RNF217: variants seen among roughly 807,000 people sequenced by gnomAD.
The protein encoded by RNF217 is ring finger protein 217.
Under a neutral mutation model 57.8 loss-of-function variants are expected in RNF217, and 31 were observed. That is an observed-to-expected ratio of 0.54 (90% confidence interval 0.40 to 0.72). The LOEUF is 0.72. Among genes scored for constraint, RNF217 ranks in the 30% least tolerant of loss-of-function variants. RNF217 has a pLI of 0.00. For missense variants in RNF217, 696 were observed against 708.3 expected (o/e 0.98, Z 0.20); for synonymous variants, 313 against 294.0 (o/e 1.06, Z -0.66).
chr6:125,033,146 T>G (rs538634491), intron 1 of RNF217, among the ~76,000 whole-genome samples: 1 of 152,132 alleles, frequency 6.6e-6, no homozygotes, highest in Non-Finnish European at 1.5e-5. Context: ...AATTAATACA[T>G]TTCAGAGTTT....
At chr6:125,057,287 A>G (rs1315815971) in intron 2 of RNF217, among the ~76,000 whole-genome samples, 2 of 152,044 alleles carry the variant, frequency 1.3e-5, no homozygotes, top group African/African-American at 2.4e-5. Context: ...AGTGATTGTC[A>G]TGTCTCGTGT....
intron 2 of RNF217, among the ~76,000 whole-genome samples, chr6:125,050,324 C>T (rs949225618): frequency 6.6e-6 from 1 of 151,884 alleles, no homozygotes; most frequent in African/African-American, 2.4e-5. Context: ...CTTCTTCCCA[C>T]AAATGTTAAG....
chr6:125,030,056 C>T lies in RNF217; in HGVS notation c.883-15155C>T, dbSNP rs553275643. On this transcript the variant is annotated intron_variant, in intron 1 of 5. Transcript: ENST00000521654. Reference sequence around the variant, plus strand: ...GAGGTGAAAGGCATTTCTTACATGGCAGCAGCAAGAGAAAATGAAGAAGAA... The same window carrying T: ...GAGGTGAAAGGCATTTCTTACATGGTAGCAGCAAGAGAAAATGAAGAAGAA... Among the ~76,000 whole-genome samples, 514 of 152,220 alleles carry T rather than the reference C, an allele frequency of 3.4e-3. 2 individuals are homozygous for T. The highest frequency in any genetic ancestry group is 0.012 in the African/African-American group (486 of 41,528).
chr6:125,058,497 T>C (rs929959103), intron 3 of RNF217, among the ~76,000 whole-genome samples: 31 of 152,226 alleles, frequency 2.0e-4, no homozygotes, highest in Non-Finnish European at 3.5e-4. Context: ...TTGCGATCTT[T>C]TGCTTTTCTT....
intron 3 of RNF217, among the ~76,000 whole-genome samples, chr6:125,060,199 T>C (rs1355300047): frequency 6.6e-6 from 1 of 152,124 alleles, no homozygotes; most frequent in African/African-American, 2.4e-5. Context: ...CATTTATAAA[T>C]ATAAAATAGG....
intron 1 of RNF217, among the ~76,000 whole-genome samples, chr6:125,027,044 A>G (rs181796786): frequency 6.6e-6 from 1 of 152,162 alleles, no homozygotes; most frequent in Admixed American, 6.5e-5. Flanking sequence ...TAGTAGGTGT[A>G]TATATTTATG....
intron 1 of RNF217, among the ~76,000 whole-genome samples, chr6:125,039,505 A>T (rs1263023733): frequency 6.6e-6 from 1 of 152,134 alleles, no homozygotes; most frequent in Admixed American, 6.6e-5. Context: ...ATAATGGGAG[A>T]CTTTAACACC....
intron 2 of RNF217, among the ~76,000 whole-genome samples, chr6:125,055,088 G>T (rs568111146): frequency 8.5e-5 from 13 of 152,198 alleles, no homozygotes; most frequent in African/African-American, 2.2e-4. Flanking sequence ...AATGAATGAG[G>T]CATCTTCAGA....
intron 1 of RNF217, among the ~76,000 whole-genome samples, chr6:124,984,361 A>G (rs757012112): frequency 6.6e-6 from 1 of 152,062 alleles, no homozygotes; most frequent in Non-Finnish European, 1.5e-5. Context: ...AACCCGGGCA[A>G]CATAGAGAAA....
intron 2 of RNF217, among the ~76,000 whole-genome samples, chr6:125,050,232 T>G (rs1449334416): frequency 6.6e-6 from 1 of 151,924 alleles, no homozygotes; most frequent in Non-Finnish European, 1.5e-5. Flanking sequence ...GAGTTGAAGG[T>G]CATGCTTATC....
chr6:125,035,130 A>G (rs1582735299), intron 1 of RNF217, among the ~76,000 whole-genome samples: 3 of 152,312 alleles, frequency 2.0e-5, no homozygotes, highest in Admixed American at 6.5e-5. Context: ...ATATACAATG[A>G]TGTCATCTGC....
At chr6:125,070,510 GT>G (rs981020539) in intron 3 of RNF217, among the ~76,000 whole-genome samples, 11 of 152,126 alleles carry the variant, frequency 7.2e-5, no homozygotes, top group African/African-American at 2.7e-4. Context: ...AACATCTATT[GT>G]TTTTTGACTT....
chr6:125,038,096 C>T (rs1017452418), intron 1 of RNF217, among the ~76,000 whole-genome samples: 1 of 152,094 alleles, frequency 6.6e-6, no homozygotes, highest in Non-Finnish European at 1.5e-5. Context: ...GTAGCTTGAA[C>T]GTTAAGTGGA....
At chr6:124,973,780 C>T (rs551707357) in intron 1 of RNF217, among the ~76,000 whole-genome samples, 4 of 152,112 alleles carry the variant, frequency 2.6e-5, no homozygotes, top group Non-Finnish European at 5.9e-5. Flanking sequence ...GTTCTGGTTA[C>T]TGTCTCCTGT....
At chr6:125,033,761 A>G (rs1440186207) in intron 1 of RNF217, among the ~76,000 whole-genome samples, 2 of 151,958 alleles carry the variant, frequency 1.3e-5, no homozygotes, top group Non-Finnish European at 2.9e-5. Flanking sequence ...ATCCCTGAGG[A>G]ATCGCCACAC....
chr6:124,970,796 G>A (rs1216075101), intron 1 of RNF217, among the ~76,000 whole-genome samples: 1 of 152,164 alleles, frequency 6.6e-6, no homozygotes, highest in Admixed American at 6.5e-5. Flanking sequence ...GAGTCTAAAA[G>A]GGAGTGGGCT....
intron 1 of RNF217, among the ~76,000 whole-genome samples, chr6:124,994,443 A>G (rs926366792): frequency 2.9e-4 from 44 of 152,318 alleles, no homozygotes; most frequent in African/African-American, 9.6e-4. Context: ...ATATCATTAT[A>G]TATCTAGTCA....
intron 1 of RNF217, among the ~76,000 whole-genome samples, chr6:125,019,155 T>C (rs1317930857): frequency 6.6e-6 from 1 of 152,172 alleles, no homozygotes; most frequent in Non-Finnish European, 1.5e-5. Flanking sequence ...ACTGCATCTC[T>C]CTTAAATGCA....
In RNF217 at chr6:125,025,570, A is replaced by AG. The variant is rs1379195774; in HGVS notation, c.883-19640dup. On this transcript the variant is annotated intron_variant, in intron 1 of 5. Coordinates refer to ENST00000521654, the MANE Select transcript of RNF217 (RefSeq NM_001286398.3). ...AGGAAGGAAGGAAGGAAGGAAGAAA[A>AG]GAAGGAAGGGAGGGAGGGAGGGAGG... 2.5e-5 allele frequency among the ~76,000 whole-genome samples: 3 copies of AG among 119,644 alleles called. No homozygotes were observed. The East Asian group carries it at 8.1e-4, about 32-fold the overall frequency. The allele number at this position is 119,644 out of a possible 152,430, so 78.5% of individuals were successfully genotyped here. A position where few individuals can be genotyped will look rare whatever the true frequency, so the allele number is the denominator to read the frequency against.
Sources: allele counts gnomAD v4.1 joint callset (sites outside exome capture counted in the v4.1 genomes callset), GRCh38; gene constraint gnomAD v4.1.1; transcripts MANE v1.5; gene names NCBI Gene and HGNC (gene_info 2026-07-23, HGNC 2026-07-21).